Variants in CHODL observed in about 807,000 individuals in gnomAD.
CHODL encodes the protein transmembrane protein MT75.
CHODL carries 29 observed loss-of-function variants against 34.5 expected under a neutral mutation model. The ratio of observed to expected loss-of-function variants is 0.84; its 90% CI spans 0.63 to 1.15. CHODL has a LOEUF of 1.15. CHODL is among the 50% of genes most tolerant of loss of function. CHODL has a pLI of 0.00. For synonymous variants in CHODL, 125 were observed against 116.1 expected, an observed-to-expected ratio of 1.08 and a Z score of -0.49; for missense variants, 332 against 332.5, an observed-to-expected ratio of 1.00 and a Z score of 0.01.
At chr21:18,245,971 T>C in intron 1 of CHODL, 1 of 1,527,252 alleles carries the variant, frequency 6.5e-7, no homozygotes, top group East Asian at 2.4e-5. Flanking sequence ...CGGCACACAG[T>C]AGGTGCACAA....
At chr21:17,997,872 A>G (rs1411292449) in intron 1 of CHODL, among the ~76,000 whole-genome samples, 1 of 152,126 alleles carries the variant, frequency 6.6e-6, no homozygotes, top group Admixed American at 6.5e-5. Context: ...GGATGGGGAC[A>G]CAGCCAAGCC....
chr21:17,940,159 A>G (rs529222316), intron 1 of CHODL, among the ~76,000 whole-genome samples: 48 of 152,336 alleles, frequency 3.2e-4, no homozygotes, highest in Non-Finnish European at 6.3e-4. Context: ...AACACAGCTG[A>G]GCAAACTCAA....
intron 2 of CHODL, among the ~76,000 whole-genome samples, chr21:18,144,716 A>G: frequency 6.6e-6 from 1 of 152,066 alleles, no homozygotes; most frequent in Non-Finnish European, 1.5e-5. Context: ...AGGTTATAAA[A>G]AAAATCACTT....
At chr21:17,922,611 G>C (rs2063191465) in intron 1 of CHODL, among the ~76,000 whole-genome samples, 1 of 152,186 alleles carries the variant, frequency 6.6e-6, no homozygotes, top group Non-Finnish European at 1.5e-5. Flanking sequence ...TAGTGTGATA[G>C]TATTACTGCT....
At chr21:18,197,456 AC>A (rs1420793419) in intron 2 of CHODL, among the ~76,000 whole-genome samples, 1 of 152,134 alleles carries the variant, frequency 6.6e-6, no homozygotes, top group African/African-American at 2.4e-5. Flanking sequence ...ACCAAAAAAT[AC>A]AAAAGATTAG....
chr21:18,242,229 A>C (rs1053644067), upstream of CHODL, among the ~76,000 whole-genome samples: 1 of 152,192 alleles, frequency 6.6e-6, no homozygotes, highest in African/African-American at 2.4e-5. Context: ...TTTGGAACTA[A>C]AATGTGTCAT....
intron 2 of CHODL, among the ~76,000 whole-genome samples, chr21:18,136,719 C>CATATATATATAT (rs147280660): frequency 2.2e-4 from 26 of 118,742 alleles, no homozygotes; most frequent in Non-Finnish European, 2.8e-4. Flanking sequence ...TAAATCAAAG[C>CATATATATATAT]ATATATATAT....
intron 1 of CHODL, among the ~76,000 whole-genome samples, chr21:17,944,381 T>G (rs1431022160): frequency 6.6e-6 from 1 of 152,170 alleles, no homozygotes. Flanking sequence ...AGAAAGATTC[T>G]CACCTCTGTA....
At chr21:17,929,084 A>G (rs1356614417) in intron 1 of CHODL, among the ~76,000 whole-genome samples, 1 of 152,224 alleles carries the variant, frequency 6.6e-6, no homozygotes, top group Non-Finnish European at 1.5e-5. Context: ...AAGACAGCCA[A>G]CATATTCAGT....
chr21:17,946,085 C>G (rs1487209019), intron 1 of CHODL, among the ~76,000 whole-genome samples: 2 of 152,034 alleles, frequency 1.3e-5, no homozygotes, highest in Non-Finnish European at 2.9e-5. Context: ...ATTAGCATTC[C>G]TATACATCAG....
intron 2 of CHODL, among the ~76,000 whole-genome samples, chr21:18,033,948 T>C (rs1435321633): frequency 2.6e-5 from 4 of 152,002 alleles, no homozygotes; most frequent in Non-Finnish European, 5.9e-5. Flanking sequence ...AAAAACCTTA[T>C]AACATCTTAA....
At chr21:17,939,251 C>T (rs537350302) in intron 1 of CHODL, among the ~76,000 whole-genome samples, 1 of 152,272 alleles carries the variant, frequency 6.6e-6, no homozygotes, top group South Asian at 2.1e-4. Flanking sequence ...CCTCCCCCCA[C>T]CTCAGTAACT....
chr21:17,966,133 G>A (rs1017404321), intron 1 of CHODL, among the ~76,000 whole-genome samples: 1 of 151,954 alleles, frequency 6.6e-6, no homozygotes, highest in Non-Finnish European at 1.5e-5. Flanking sequence ...ATGGAGAGAT[G>A]GCATTCATGT....
chr21:18,120,127 T>C (rs912153788), intron 2 of CHODL, among the ~76,000 whole-genome samples: 2 of 151,942 alleles, frequency 1.3e-5, no homozygotes, highest in African/African-American at 2.4e-5. Flanking sequence ...AGATATATAT[T>C]TGTAGATCTT....
chr21:18,182,735 T>C (rs1317832576), intron 2 of CHODL, among the ~76,000 whole-genome samples: 2 of 152,208 alleles, frequency 1.3e-5, no homozygotes, highest in Non-Finnish European at 2.9e-5. Flanking sequence ...GACTCCAAAG[T>C]AAAAGTAAGT....
chr21:18,007,610 A>G (rs1450615078), intron 1 of CHODL, among the ~76,000 whole-genome samples: 1 of 152,196 alleles, frequency 6.6e-6, no homozygotes, highest in Non-Finnish European at 1.5e-5. Flanking sequence ...TAAGTTACAT[A>G]AGGCATTCTG....
At chr21:17,935,528 A>T (rs1247188549) in intron 1 of CHODL, among the ~76,000 whole-genome samples, 1 of 152,252 alleles carries the variant, frequency 6.6e-6, no homozygotes, top group Non-Finnish European at 1.5e-5. Flanking sequence ...GTTTCATGGC[A>T]GAGACATTTG....
At chr21:18,214,684 C>T (rs1315656448) in intron 2 of CHODL, among the ~76,000 whole-genome samples, 1 of 152,076 alleles carries the variant, frequency 6.6e-6, no homozygotes, top group Non-Finnish European at 1.5e-5. Context: ...TCATCACGTA[C>T]GTCTCGAACA....
chr21:17,949,834 C>T (rs1020540500), intron 1 of CHODL, among the ~76,000 whole-genome samples: 48 of 152,124 alleles, frequency 3.2e-4, no homozygotes, highest in Admixed American at 3.1e-3. Flanking sequence ...GATCTAGCTC[C>T]TAGTTAAGGG....
Sources: allele counts gnomAD v4.1 joint callset (sites outside exome capture counted in the v4.1 genomes callset), GRCh38; gene constraint gnomAD v4.1.1; transcripts MANE v1.5; gene names NCBI Gene and HGNC (gene_info 2026-07-23, HGNC 2026-07-21).